The following RORA variants were observed in gnomAD, a reference collection of about 807,000 sequenced individuals.
RORA encodes the protein RAR related orphan receptor A, also known as nuclear receptor ROR-alpha.
RORA carries 7 observed loss-of-function variants against 69.5 expected under a neutral mutation model. The observed-to-expected ratio is 0.10, with a 90% CI of 0.06 to 0.19. RORA has a LOEUF of 0.19. Among genes scored for constraint, RORA ranks in the 10% least tolerant of loss-of-function variants. The probability of loss-of-function intolerance (pLI) is 1.00; values close to 1 mark genes in which losing one functional copy is unlikely to be tolerated. For missense variants in RORA, 457 were observed against 663.0 expected (o/e 0.69, Z 3.41); for synonymous variants, 261 against 240.8 (o/e 1.08, Z -0.78).
intron 1 of RORA, among the ~76,000 whole-genome samples, chr15:60,768,164 CT>C (rs1268804735): frequency 6.6e-6 from 1 of 152,238 alleles, no homozygotes; most frequent in Admixed American, 6.5e-5. Flanking sequence ...ATCCTCCAAA[CT>C]TTTTGCTTAA....
chr15:61,041,507 A>G (rs1199152033), intron 1 of RORA, among the ~76,000 whole-genome samples: 1 of 152,230 alleles, frequency 6.6e-6, no homozygotes, highest in Non-Finnish European at 1.5e-5. Context: ...TTTGAAGCTT[A>G]TTATATTTCC....
At chr15:60,990,738 T>A (rs1192609640) in intron 1 of RORA, among the ~76,000 whole-genome samples, 1 of 152,174 alleles carries the variant, frequency 6.6e-6, no homozygotes, top group Non-Finnish European at 1.5e-5. Flanking sequence ...ACCTACAGCA[T>A]GAGTTTTCCA....
intron 1 of RORA, among the ~76,000 whole-genome samples, chr15:60,960,366 C>T (rs947425824): frequency 3.3e-5 from 5 of 152,148 alleles, no homozygotes; most frequent in Non-Finnish European, 7.3e-5. Context: ...CTGAAACCAT[C>T]CTCAAAGGTG....
At chr15:60,583,933 A>G (rs929214247) in intron 2 of RORA, among the ~76,000 whole-genome samples, 7 of 152,282 alleles carry the variant, frequency 4.6e-5, no homozygotes, top group Middle Eastern at 3.4e-3. Context: ...TCTTTTACAA[A>G]AGAAGATTCC....
Position 61,193,460 on chromosome 15 carries a change from C to A in RORA, c.166+35593G>T, listed in dbSNP as rs188861551. ...TAGACTTTTTCCCTTAGGTCTCTTGCTGTAGAGGAACTGCCTGTGAATAGA... is the reference window on the plus strand; with the variant it reads ...TAGACTTTTTCCCTTAGGTCTCTTGATGTAGAGGAACTGCCTGTGAATAGA... On this transcript the variant is annotated intron_variant, in intron 1 of 10. Coordinates refer to ENST00000335670, the MANE Select transcript of RORA (RefSeq NM_134261.3). Among the ~76,000 whole-genome samples the A allele has an allele frequency of 4.0e-3, 604 of 152,198 alleles. 1 individual carries two copies. The highest frequency in any genetic ancestry group is 0.014 in the African/African-American group (586 of 41,520).
Position 60,905,912 on chromosome 15 carries a change from C to T in RORA, c.167-227226G>A, listed in dbSNP as rs1442900759. 2.0e-5 allele frequency among the ~76,000 whole-genome samples: 3 copies of T among 152,176 alleles called. No individual in the cohort carries two copies. The East Asian group carries it at 5.8e-4, about 29-fold the overall frequency. On this transcript the variant is annotated intron_variant, in intron 1 of 10. Coordinates refer to ENST00000335670, the MANE Select transcript of RORA (RefSeq NM_134261.3). The surrounding 1 kb of genome is among the most constrained non-coding windows in gnomAD (Gnocchi z 4.8). ...CTCCCCCTCTCTTCTACCAAAGAAG[C>T]CCTAAAATGTATTTTCAGATAAATA...
At position 60,766,968 on chromosome 15, in the gene RORA, T is replaced by C. The variant is rs115437594; in HGVS notation, c.167-88282A>G. 6.6e-3 allele frequency among the ~76,000 whole-genome samples: 1,005 copies of C among 152,224 alleles called. 12 individuals are homozygous for C. Among genetic ancestry groups the C allele is most frequent in the African/African-American group, 0.023 (943 of 41,536 alleles). ...GCCTGTAATGTAGTGGGAGAGAAGATAGAGATCAAAGGCTGTCAACTGGCA... is the reference window on the plus strand; with the variant it reads ...GCCTGTAATGTAGTGGGAGAGAAGACAGAGATCAAAGGCTGTCAACTGGCA... On this transcript the variant is annotated intron_variant, in intron 1 of 10. Transcript: ENST00000335670.
intron 2 of RORA, among the ~76,000 whole-genome samples, chr15:60,661,651 G>C (rs966997424): frequency 2.0e-5 from 3 of 152,170 alleles, no homozygotes; most frequent in African/African-American, 7.2e-5. Flanking sequence ...CAACCTGAAA[G>C]GGCCCCCTCT....
chr15:60,883,405 A>G (rs972444625), intron 1 of RORA, among the ~76,000 whole-genome samples: 1 of 152,194 alleles, frequency 6.6e-6, no homozygotes, highest in East Asian at 1.9e-4. Context: ...AATTATATTA[A>G]AAAGTGTTTG....
intron 1 of RORA, among the ~76,000 whole-genome samples, chr15:60,815,772 C>A (rs1346667337): frequency 6.6e-6 from 1 of 151,548 alleles, no homozygotes; most frequent in East Asian, 1.9e-4. Flanking sequence ...CCCTCCCTTG[C>A]ACTCTGTTCC....
chr15:61,200,842 GTCAACA>G (rs1297798032), intron 1 of RORA, among the ~76,000 whole-genome samples: 1 of 152,152 alleles, frequency 6.6e-6, no homozygotes, highest in Non-Finnish European at 1.5e-5. Flanking sequence ...TCCCAGGGTA[GTCAACA>G]CTTATCATCC....
intron 1 of RORA, among the ~76,000 whole-genome samples, chr15:60,884,068 T>C (rs538990916): frequency 3.3e-4 from 50 of 152,304 alleles, no homozygotes; most frequent in Non-Finnish European, 5.0e-4. Context: ...CCCCACAGTA[T>C]TGGAGGCATT....
chr15:60,710,141 A>G (rs563152660), intron 1 of RORA, among the ~76,000 whole-genome samples: 7 of 152,336 alleles, frequency 4.6e-5, no homozygotes, highest in Admixed American at 3.3e-4. Context: ...CACTCTGGAC[A>G]AAGCCCTATC....
intron 1 of RORA, among the ~76,000 whole-genome samples, chr15:61,062,525 C>T (rs1376820569): frequency 2.0e-5 from 3 of 151,982 alleles, no homozygotes; most frequent in South Asian, 2.1e-4. Flanking sequence ...ACAGGAGGAG[C>T]GAGCCAAGTA....
chr15:60,980,520 T>G (rs1203661457), intron 1 of RORA, among the ~76,000 whole-genome samples: 2 of 152,180 alleles, frequency 1.3e-5, no homozygotes, highest in Non-Finnish European at 2.9e-5. Flanking sequence ...GAGCTTTTCT[T>G]TGTTAGAAGT....
intron 1 of RORA, among the ~76,000 whole-genome samples, chr15:60,755,937 T>A (rs2071796131): frequency 6.6e-6 from 1 of 152,188 alleles, no homozygotes; most frequent in South Asian, 2.1e-4. Flanking sequence ...TCACTGAATA[T>A]CTGCAAAGTG....
At chr15:61,176,738 A>T (rs989910523) in intron 1 of RORA, among the ~76,000 whole-genome samples, 2 of 152,240 alleles carry the variant, frequency 1.3e-5, no homozygotes, top group African/African-American at 4.8e-5. Context: ...TGTGTAATTC[A>T]TAGTAAAATG....
At chr15:60,986,128 T>C (rs915373263) in intron 1 of RORA, among the ~76,000 whole-genome samples, 2 of 152,012 alleles carry the variant, frequency 1.3e-5, no homozygotes, top group African/African-American at 2.4e-5. Context: ...TACAGTCAAC[T>C]GATTTCTTCT....
chr15:60,597,086 T>G (rs1046679813), intron 2 of RORA, among the ~76,000 whole-genome samples: 2 of 152,182 alleles, frequency 1.3e-5, no homozygotes, highest in African/African-American at 4.8e-5. Flanking sequence ...GTAACATGTC[T>G]GGTTGCCCAT....
Sources: gnomAD v4.1 joint callset for allele counts (sites outside exome capture counted in the v4.1 genomes callset) on GRCh38, gnomAD v4.1.1 for gene constraint, Gnocchi (gnomAD v3.1) non-coding constraint, MANE v1.5 for transcripts, NCBI Gene and HGNC (gene_info 2026-07-23, HGNC 2026-07-21) for gene names.